CTNND1: variants seen among roughly 807,000 people sequenced by gnomAD.
CTNND1 encodes the protein catenin delta-1.
In CTNND1, 16 loss-of-function variants were observed where a neutral mutation model predicts 112.1. That is an observed-to-expected ratio of 0.14 (90% CI 0.10 to 0.22). CTNND1 has a LOEUF of 0.22. Among genes scored for constraint, CTNND1 ranks in the 10% least tolerant of loss-of-function variants. CTNND1 has a pLI of 1.00. For missense variants in CTNND1, 1,008 were observed against 1,257.0 expected (o/e 0.80, Z 3.00); for synonymous variants, 420 against 446.5 (o/e 0.94, Z 0.75).
At chr11:57,789,185 G>T in intron 2 of CTNND1, 30 bp downstream of exon 2, 1 of 1,345,760 alleles carries the variant, frequency 7.4e-7, no homozygotes, top group South Asian at 1.6e-5. Context: ...TATTAAGAAG[G>T]AAAAATCTTA....
At chr11:57,793,964 A>C in intron 3 of CTNND1, 46 bp from the exon 4 acceptor site, 3 of 1,596,942 alleles carry the variant, frequency 1.9e-6, no homozygotes, top group Non-Finnish European at 2.6e-6. Flanking sequence ...TGATAGAGCA[A>C]AAGAAGGCCA....
At chr11:57,810,055 G>A in intron 15 of CTNND1, 54 bp from the exon 16 acceptor site, 1 of 1,409,936 alleles carries the variant, frequency 7.1e-7, no homozygotes, top group Non-Finnish European at 9.8e-7. Flanking sequence ...TAGGGTCTAA[G>A]CTTTTTTCCT....
chr11:57,775,344 A>AAAC (rs1555040525), intron 1 of CTNND1, among the ~76,000 whole-genome samples: 1 of 139,372 alleles, frequency 7.2e-6, no homozygotes, highest in African/African-American at 2.5e-5. Flanking sequence ...AAAAAAAAAA[A>AAAC]AACAACACAC....
At chr11:57,792,946 C>T (rs1245221456) in intron 3 of CTNND1, among the ~76,000 whole-genome samples, 1 of 151,440 alleles carries the variant, frequency 6.6e-6, no homozygotes, top group Non-Finnish European at 1.5e-5. Context: ...AGGCAGCATG[C>T]TTGCAGTGTT....
intron 1 of CTNND1, among the ~76,000 whole-genome samples, chr11:57,766,328 C>G (rs927277990): frequency 6.6e-6 from 1 of 152,006 alleles, no homozygotes; most frequent in Non-Finnish European, 1.5e-5. Flanking sequence ...ATCAGTGTTT[C>G]AAAGAAAGTA....
At chr11:57,770,437 G>A (rs554517882) in intron 1 of CTNND1, among the ~76,000 whole-genome samples, 8 of 151,978 alleles carry the variant, frequency 5.3e-5, no homozygotes, top group Non-Finnish European at 1.0e-4. Flanking sequence ...GGCGGATCAC[G>A]AGGTCAAGAG....
At chr11:57,809,592 TATTA>T in intron 15 of CTNND1, 126 bp downstream of exon 15, 1 of 781,400 alleles carries the variant, frequency 1.3e-6, no homozygotes, top group Non-Finnish European at 2.0e-6. Flanking sequence ...GCTATTGCTC[TATTA>T]TCTGTCTTAA....
At chr11:57,807,435 G>T (rs1260177089) in intron 12 of CTNND1, among the ~76,000 whole-genome samples, 1 of 151,834 alleles carries the variant, frequency 6.6e-6, no homozygotes. Flanking sequence ...GTGAAACCCT[G>T]TCTCTACTAA....
At chr11:57,807,601 G>A (rs1341149265) in intron 12 of CTNND1, among the ~76,000 whole-genome samples, 4 of 72,758 alleles carry the variant, frequency 5.5e-5, no homozygotes, top group African/African-American at 1.1e-4. Context: ...TAGAAACTCC[G>A]TCTCAAAAAA....
At chr11:57,803,593 G>T in intron 7 of CTNND1, 28 bp from the exon 8 acceptor site, 1 of 1,578,058 alleles carries the variant, frequency 6.3e-7, no homozygotes, top group Non-Finnish European at 8.6e-7. Context: ...GAATGCTCAA[G>T]AGCCATCTGA....
intron 5 of CTNND1, 83 bp from the exon 6 acceptor site, chr11:57,796,370 GTGCA>G: frequency 7.7e-7 from 1 of 1,290,700 alleles, no homozygotes; most frequent in South Asian, 1.6e-5. Context: ...CAGGGCAACA[GTGCA>G]AGACTCCATC....
At position 57,796,555 on chromosome 11, in the gene CTNND1, C is replaced by G; in HGVS notation, c.519C>G (p.Asn173Lys). The G allele has an allele frequency of 6.2e-7, 1 of 1,614,004 alleles. No individual in the cohort carries two copies. The highest frequency in any genetic ancestry group is 8.5e-7 in the Non-Finnish European group (1 of 1,179,906). The change falls in exon 6 of 21, where the codon AAC becomes AAG. Residue 173 changes from asparagine (N) to lysine (K), a missense_variant. Physicochemically the swap from Asn to Lys is moderately conservative, Grantham distance 94. Transcript: ENST00000399050. Reference sequence around the variant, plus strand: ...TGGATGCTTCATCAGTTTCTAACAACTATATCCAGACTTTGGGTCGTGATT... The same window carrying G: ...TGGATGCTTCATCAGTTTCTAACAAGTATATCCAGACTTTGGGTCGTGATT... Reference protein sequence around the residue: ...LPVDASSVSNNYIQTLGRDFR... With the variant: ...LPVDASSVSNKYIQTLGRDFR...
chr11:57,789,511 T>C (rs928495413), intron 2 of CTNND1, among the ~76,000 whole-genome samples: 2 of 152,198 alleles, frequency 1.3e-5, no homozygotes, highest in African/African-American at 4.8e-5. Context: ...ACCCTCTAGA[T>C]ACTTGGATAT....
chr11:57,804,000 C>T (rs1451442755), intron 8 of CTNND1, 196 bp downstream of exon 8: 1 of 436,844 alleles, frequency 2.3e-6, no homozygotes, highest in African/African-American at 2.0e-5. Context: ...TATCAGTTTT[C>T]TTGCTGTTCC....
rs2061066143 is a variant in CTNND1 at position 57,794,057 on chromosome 11, A to C, written c.243A>C (p.Ser81=). 1 of 1,613,860 alleles carries C rather than the reference A, an allele frequency of 6.2e-7. No homozygotes were observed. Among genetic ancestry groups the C allele is most frequent in the African/African-American group, 1.3e-5 (1 of 74,908 alleles). Residue 81 remains serine, a synonymous_variant, in exon 4 of 21, where the codon TCA becomes TCC. Transcript: ENST00000399050. ...GDADLERQKF[S]DLKLNGPQDH... ...CTGACCTTGAAAGACAGAAATTTTC[A>C]GATTTGAAACTCAACGGACCCCAGG... is the stretch of plus-strand genomic sequence containing the variant.
intron 1 of CTNND1, among the ~76,000 whole-genome samples, chr11:57,780,071 TGAGACAGGG>T: frequency 7.7e-6 from 1 of 129,238 alleles, no homozygotes; most frequent in African/African-American, 2.8e-5. Context: ...TTTTTTTTTT[TGAGACAGGG>T]TCTTACTCTG....
intron 9 of CTNND1, 85 bp downstream of exon 9, chr11:57,804,865 C>G (rs578024661): frequency 1.0e-6 from 1 of 957,846 alleles, no homozygotes; most frequent in Non-Finnish European, 1.6e-6. Flanking sequence ...CCTATCATCT[C>G]AGGCTTTCAA....
intron 1 of CTNND1, among the ~76,000 whole-genome samples, chr11:57,765,586 T>C (rs1360554404): frequency 6.6e-6 from 1 of 150,704 alleles, no homozygotes; most frequent in Admixed American, 6.7e-5. Flanking sequence ...CCCACCTCAG[T>C]CTTCTGAGTA....
At chr11:57,794,418 G>C (rs903121413) in intron 4 of CTNND1, among the ~76,000 whole-genome samples, 1 of 152,162 alleles carries the variant, frequency 6.6e-6, no homozygotes, top group African/African-American at 2.4e-5. Context: ...GAGCCTTTTA[G>C]ACGGTATCTG....
Sources: allele counts gnomAD v4.1 joint callset (sites outside exome capture counted in the v4.1 genomes callset), GRCh38; gene constraint gnomAD v4.1.1; transcripts MANE v1.5; gene names NCBI Gene and HGNC (gene_info 2026-07-23, HGNC 2026-07-21).